Variants in CSNK1G3 observed in about 807,000 individuals in gnomAD.
CSNK1G3 encodes the protein casein kinase 1 gamma 3.
In CSNK1G3, 23 loss-of-function variants were observed where a neutral mutation model predicts 64.3. The observed-to-expected ratio is 0.36, with a 90% CI of 0.26 to 0.51. The LOEUF (loss-of-function observed/expected upper bound fraction) is 0.51, where lower values mean the gene tolerates loss of function less well. CSNK1G3 is among the 20% of genes least tolerant of loss of function. The pLI is 0.96. For synonymous variants in CSNK1G3, 158 were observed against 162.2 expected (o/e 0.97, Z 0.20); for missense variants, 357 against 510.5 (o/e 0.70, Z 2.90).
intron 4 of CSNK1G3, among the ~76,000 whole-genome samples, chr5:123,563,264 C>A (rs1436710417): frequency 6.6e-6 from 1 of 151,962 alleles, no homozygotes; most frequent in Non-Finnish European, 1.5e-5. Flanking sequence ...TATGTTAAAT[C>A]ATCATTTCTC....
At chr5:123,528,363 C>G (rs1335620281) in intron 1 of CSNK1G3, among the ~76,000 whole-genome samples, 3 of 152,206 alleles carry the variant, frequency 2.0e-5, no homozygotes, top group East Asian at 3.9e-4. Context: ...AATTAACATT[C>G]TTAAATTTCT....
chr5:123,544,184 C>T (rs1250429674), intron 1 of CSNK1G3, among the ~76,000 whole-genome samples: 2 of 152,158 alleles, frequency 1.3e-5, no homozygotes, highest in African/African-American at 4.8e-5. Flanking sequence ...CTCTCCAGCA[C>T]AAGAACGATC....
chr5:123,580,257 A>G (rs958760530), intron 6 of CSNK1G3, among the ~76,000 whole-genome samples: 7 of 151,932 alleles, frequency 4.6e-5, no homozygotes, highest in African/African-American at 1.7e-4. Flanking sequence ...TCTTGCTCAC[A>G]TGAACTTTTC....
intron 3 of CSNK1G3, 57 bp from the exon 4 acceptor site, chr5:123,557,438 G>T: frequency 7.8e-7 from 1 of 1,287,764 alleles, no homozygotes; most frequent in Non-Finnish European, 1.1e-6. Flanking sequence ...CATTTGTGTT[G>T]GGACCTAGTG....
intron 2 of CSNK1G3, chr5:123,546,104 T>G (rs1475753656): frequency 5.4e-6 from 2 of 369,284 alleles, no homozygotes; most frequent in Non-Finnish European, 1.0e-5. Flanking sequence ...AATAGCCCAG[T>G]AGGCTGAAAT....
At chr5:123,587,086 A>G (rs537551755) in intron 6 of CSNK1G3, among the ~76,000 whole-genome samples, 2 of 152,312 alleles carry the variant, frequency 1.3e-5, no homozygotes, top group South Asian at 4.1e-4. Context: ...AGAATTCAAG[A>G]TGAGATTTGG....
At chr5:123,528,563 C>G (rs758524388) in intron 1 of CSNK1G3, among the ~76,000 whole-genome samples, 7 of 152,104 alleles carry the variant, frequency 4.6e-5, no homozygotes, top group Non-Finnish European at 1.0e-4. Context: ...TATCTTTCCT[C>G]TAAATCGGTA....
At chr5:123,589,698 T>C (rs1791983937) in intron 8 of CSNK1G3, among the ~76,000 whole-genome samples, 1 of 152,152 alleles carries the variant, frequency 6.6e-6, no homozygotes, top group South Asian at 2.1e-4. Flanking sequence ...TATATTTATA[T>C]ATTTGTTTGT....
intron 1 of CSNK1G3, among the ~76,000 whole-genome samples, chr5:123,518,261 T>C (rs2149925647): frequency 6.6e-6 from 1 of 152,338 alleles, no homozygotes; most frequent in South Asian, 2.1e-4. Flanking sequence ...AGGAGAACTT[T>C]CAGTTGAAGG....
chr5:123,585,966 GTA>G (rs139535066), intron 6 of CSNK1G3, among the ~76,000 whole-genome samples: 1,783 of 152,276 alleles, frequency 0.012, 42 homozygotes, highest in African/African-American at 0.04. Flanking sequence ...AAATGAAAAT[GTA>G]TGTCAACATA....
chr5:123,538,076 G>C (rs1781125626), intron 1 of CSNK1G3, among the ~76,000 whole-genome samples: 1 of 152,054 alleles, frequency 6.6e-6, no homozygotes, highest in Admixed American at 6.6e-5. Context: ...TTATTCTTCT[G>C]TTAATGCACA....
At position 123,614,573 on chromosome 5, in the gene CSNK1G3, T is replaced by C. The variant is rs541542202; in HGVS notation, c.*177T>C. 36 of 511,780 alleles carry C rather than the reference T, an allele frequency of 7.0e-5. 1 individual carries two copies. In the South Asian group the frequency reaches 1.0e-3, roughly 15 times the overall value. The allele number at this position is 511,780 out of a possible 1,614,324, so 31.7% of individuals were successfully genotyped here. A position where few individuals can be genotyped will look rare whatever the true frequency, so the allele number is the denominator to read the frequency against. On this transcript the variant is annotated 3_prime_UTR_variant, in exon 13 of 13. Transcript: ENST00000345990. ...TACATTCTTTTTCTTTTTTTTTTTT[T>C]CTCTAATTTAACCTTTATGGAAGCT...
intron 10 of CSNK1G3, among the ~76,000 whole-genome samples, chr5:123,592,366 A>G (rs554170038): frequency 6.6e-6 from 1 of 152,122 alleles, no homozygotes; most frequent in East Asian, 1.9e-4. Context: ...AAGGCATAGA[A>G]GTTGATCAAG....
intron 6 of CSNK1G3, among the ~76,000 whole-genome samples, chr5:123,578,650 C>T (rs1243648190): frequency 6.6e-6 from 1 of 151,664 alleles, no homozygotes; most frequent in African/African-American, 2.4e-5. Context: ...ATGGTTATTG[C>T]CTTTTGAATT....
chr5:123,536,439 T>TTTA (rs1561474214), intron 1 of CSNK1G3, among the ~76,000 whole-genome samples: 1 of 149,392 alleles, frequency 6.7e-6, no homozygotes, highest in Non-Finnish European at 1.5e-5. Context: ...TTTTTTTTTT[T>TTTA]TAAAAAAAAA....
At chr5:123,602,527 G>T (rs1471502145) in intron 10 of CSNK1G3, among the ~76,000 whole-genome samples, 2 of 152,166 alleles carry the variant, frequency 1.3e-5, no homozygotes, top group Non-Finnish European at 2.9e-5. Context: ...TGTAGCCCAT[G>T]ACAGGGTTGC....
chr5:123,600,769 C>T (rs1350941528), intron 10 of CSNK1G3, among the ~76,000 whole-genome samples: 2 of 152,038 alleles, frequency 1.3e-5, no homozygotes, highest in East Asian at 1.9e-4. Context: ...ACTCTGAAAT[C>T]TATAAGAATA....
chr5:123,592,501 T>G (rs1268240660), intron 10 of CSNK1G3, among the ~76,000 whole-genome samples: 3 of 152,004 alleles, frequency 2.0e-5, no homozygotes, highest in Admixed American at 6.6e-5. Context: ...GAAGACATCT[T>G]TGACTTAAAA....
chr5:123,545,605 C>A, exon 2 of CSNK1G3: 1 of 1,419,692 alleles, frequency 7.0e-7, no homozygotes, highest in Non-Finnish European at 9.8e-7. Context: ...TTCACAATAC[C>A]CTGTTTCAGT....
Sources: gnomAD v4.1 joint callset for allele counts (sites outside exome capture counted in the v4.1 genomes callset) on GRCh38, gnomAD v4.1.1 for gene constraint, MANE v1.5 for transcripts, NCBI Gene and HGNC (gene_info 2026-07-23, HGNC 2026-07-21) for gene names.